The following RAB5C variants were observed in gnomAD, a reference collection of about 807,000 sequenced individuals.
The protein encoded by RAB5C is RAB5C, member RAS oncogene family.
Under a neutral mutation model 25.2 loss-of-function variants are expected in RAB5C, and 4 were observed. The ratio of observed to expected loss-of-function variants is 0.16; its 90% confidence interval spans 0.08 to 0.36. RAB5C has a LOEUF of 0.36. RAB5C is among the 10% of genes least tolerant of loss of function. The pLI is 1.00. For missense variants in RAB5C, 199 were observed against 283.8 expected, an observed-to-expected ratio of 0.70 and a Z score of 2.15; for synonymous variants, 100 against 106.4, an observed-to-expected ratio of 0.94 and a Z score of 0.37.
At chr17:42,135,653 C>T (rs2054529312) in intron 1 of RAB5C, among the ~76,000 whole-genome samples, 1 of 152,176 alleles carries the variant, frequency 6.6e-6, no homozygotes, top group Admixed American at 6.5e-5. Flanking sequence ...TTCAGCTTCA[C>T]TCAGCAACTG....
At chr17:42,146,027 G>C (rs188253067) in intron 1 of RAB5C, among the ~76,000 whole-genome samples, 1 of 152,050 alleles carries the variant, frequency 6.6e-6, no homozygotes, top group African/African-American at 2.4e-5. Context: ...GGCTGGTCTC[G>C]AACTCCTGAC....
intron 1 of RAB5C, among the ~76,000 whole-genome samples, chr17:42,131,293 G>C (rs2054483125): frequency 1.3e-5 from 2 of 152,074 alleles, no homozygotes; most frequent in South Asian, 4.1e-4. Context: ...TTCTTCCCTA[G>C]TTCTCTCATT....
At chr17:42,138,249 G>C (rs1218793759) in intron 1 of RAB5C, among the ~76,000 whole-genome samples, 2 of 152,222 alleles carry the variant, frequency 1.3e-5, no homozygotes, top group African/African-American at 4.8e-5. Context: ...GGTGTCCTCT[G>C]TGTGACCAGG....
intron 1 of RAB5C, among the ~76,000 whole-genome samples, chr17:42,148,020 C>T (rs963685505): frequency 2.0e-5 from 3 of 152,120 alleles, no homozygotes; most frequent in African/African-American, 7.3e-5. Flanking sequence ...ATCTCTTTAA[C>T]TCGGGAGGCG....
Position 42,130,382 on chromosome 17 carries a change from A to G in RAB5C, c.121T>C (p.Phe41Leu), listed in dbSNP as rs758751377. Residue 41 changes from phenylalanine to leucine, a missense_variant, in exon 2 of 6, where the codon TTT (phenylalanine) becomes CTT (leucine). Transcript: ENST00000346213. ...TACTCGTGAAACTGTCCCTTGACAA[A>G]GCGGAGGACGAGGCTGGATTTGCCT... is the stretch of plus-strand genomic sequence containing the variant. ...AVGKSSLVLRFVKGQFHEYQE... is the reference protein window; with the variant it reads ...AVGKSSLVLRLVKGQFHEYQE... The G allele has an allele frequency of 6.2e-7, 1 of 1,614,008 alleles. No homozygotes were observed. The highest frequency in any genetic ancestry group is 8.5e-7 in the Non-Finnish European group (1 of 1,179,894).
chr17:42,141,216 C>T (rs540844080), intron 1 of RAB5C, among the ~76,000 whole-genome samples: 2 of 152,278 alleles, frequency 1.3e-5, no homozygotes, highest in South Asian at 2.1e-4. Flanking sequence ...ATTCAATGAG[C>T]GAATCACACT....
intron 2 of RAB5C, among the ~76,000 whole-genome samples, chr17:42,129,135 A>C (rs1035088955): frequency 1.3e-5 from 2 of 152,112 alleles, no homozygotes; most frequent in African/African-American, 2.4e-5. Context: ...GCCTACTCCA[A>C]GCACAGAAGG....
chr17:42,128,397 G>A lies in RAB5C; in HGVS notation c.319-14C>T. On this transcript the variant is annotated splice_polypyrimidine_tract_variant and intron_variant, in intron 3 of 5. Coordinates refer to ENST00000346213, the MANE Select transcript of RAB5C (RefSeq NM_004583.4). ...TGCAAATGTATCCTGAGGAGACAGG[G>A]ACAGAATGTCGAAGGGACAGAGAAG... The A allele has an allele frequency of 1.2e-6, 2 of 1,609,038 alleles. No homozygotes were observed. The highest frequency in any genetic ancestry group is 2.2e-5 in the East Asian group (1 of 44,614).
chr17:42,142,253 T>C (rs924196388), intron 1 of RAB5C, among the ~76,000 whole-genome samples: 2 of 151,202 alleles, frequency 1.3e-5, no homozygotes, highest in East Asian at 3.9e-4. Flanking sequence ...CAGGCTGATC[T>C]CAAACTCCTG....
intron 1 of RAB5C, among the ~76,000 whole-genome samples, chr17:42,154,213 C>T (rs1170951727): frequency 2.6e-5 from 4 of 152,114 alleles, no homozygotes; most frequent in Non-Finnish European, 4.4e-5. Flanking sequence ...TTGAGCAAAC[C>T]TCAGCTAAAT....
chr17:42,132,509 C>T (rs2054495913), intron 1 of RAB5C, among the ~76,000 whole-genome samples: 1 of 152,102 alleles, frequency 6.6e-6, no homozygotes, highest in Non-Finnish European at 1.5e-5. Context: ...TATGTGCATA[C>T]TAGGAACTCA....
intron 1 of RAB5C, among the ~76,000 whole-genome samples, chr17:42,142,756 TG>T (rs1263143251): frequency 6.6e-6 from 1 of 152,166 alleles, no homozygotes; most frequent in Non-Finnish European, 1.5e-5. Context: ...GACAGTACAA[TG>T]GAAGGATTTC....
chr17:42,147,812 G>A (rs938814621), intron 1 of RAB5C, among the ~76,000 whole-genome samples: 16 of 152,076 alleles, frequency 1.1e-4, no homozygotes, highest in African/African-American at 3.1e-4. Flanking sequence ...AGAAGTGGGC[G>A]AGGGCCAGGC....
chr17:42,130,981 A>C (rs1002073621), intron 1 of RAB5C, among the ~76,000 whole-genome samples: 4 of 152,128 alleles, frequency 2.6e-5, no homozygotes. Flanking sequence ...AACAAAACAA[A>C]ACAAAAGCTC....
intron 3 of RAB5C, 60 bp downstream of exon 3, chr17:42,128,589 C>A: frequency 7.3e-7 from 1 of 1,365,778 alleles, no homozygotes; most frequent in Non-Finnish European, 9.6e-7. Context: ...CTCTGATAAC[C>A]CAATCCCTGG....
chr17:42,152,832 C>A (rs769690585), intron 1 of RAB5C, among the ~76,000 whole-genome samples: 2 of 151,466 alleles, frequency 1.3e-5, no homozygotes, highest in East Asian at 1.9e-4. Context: ...CATGTCCAGA[C>A]AAAGAAAAGA....
chr17:42,125,973 G>T, intron 5 of RAB5C, 75 bp from the exon 6 acceptor site: 1 of 1,134,510 alleles, frequency 8.8e-7, no homozygotes, highest in Non-Finnish European at 1.3e-6. Flanking sequence ...AGCAGATTCT[G>T]GCCTTTATAC....
At chr17:42,147,341 G>A (rs2079644068) in intron 1 of RAB5C, among the ~76,000 whole-genome samples, 1 of 152,118 alleles carries the variant, frequency 6.6e-6, no homozygotes, top group Admixed American at 6.6e-5. Context: ...ACTCAGGAAC[G>A]AGCCTTGTGC....
At position 42,130,572 on chromosome 17, in the gene RAB5C, T is replaced by C; in HGVS notation, c.-70A>G. 1 of 1,590,530 alleles carries C rather than the reference T, an allele frequency of 6.3e-7. No individual in the cohort carries two copies. The highest frequency in any genetic ancestry group is 8.6e-7 in the Non-Finnish European group (1 of 1,166,916). ...TGGTGCTATGCAAAGAGGCACTTAG[T>C]GGGGAGGGGGACCTCCAACTGTAAG... On this transcript the variant is annotated 5_prime_UTR_variant, in exon 2 of 6. Transcript: ENST00000346213.
Sources: gnomAD v4.1 joint callset for allele counts (sites outside exome capture counted in the v4.1 genomes callset) on GRCh38, gnomAD v4.1.1 for gene constraint, MANE v1.5 for transcripts, NCBI Gene and HGNC (gene_info 2026-07-23, HGNC 2026-07-21) for gene names.